ADGRG2: variants seen among roughly 807,000 people sequenced by gnomAD.
ADGRG2 encodes adhesion G protein-coupled receptor G2.
Under a neutral mutation model 74.1 loss-of-function variants are expected in ADGRG2, and 26 were observed. The ratio of observed to expected loss-of-function variants is 0.35; its 90% CI spans 0.26 to 0.49. ADGRG2 has a LOEUF of 0.49. ADGRG2 is among the 20% of genes least tolerant of loss of function. The pLI is 0.99. For synonymous variants in ADGRG2, 296 were observed against 295.2 expected (o/e 1.00, Z -0.03); for missense variants, 619 against 763.1 (o/e 0.81, Z 2.22).
At position 19,096,388 on chromosome X, in the gene ADGRG2, G is replaced by C. The variant is rs1201925428; in HGVS notation, c.-46-13642C>G. Among the ~76,000 whole-genome samples the C allele has an allele frequency of 2.8e-5, 3 of 105,509 alleles. No individual in the cohort carries two copies. In the East Asian group the frequency reaches 8.9e-4, roughly 31 times the overall value. 91.6% of individuals were successfully genotyped at this position (105,509 alleles called of 115,157 possible). A position where few individuals can be genotyped will look rare whatever the true frequency, so the allele number is the denominator to read the frequency against. On this transcript the variant is annotated intron_variant, in intron 1 of 28. Transcript: ENST00000379869. The stretch of plus-strand genomic sequence containing the variant: ...GATTGCGCCACTGTACTCCAGCCTG[G>C]GTGACAGAGCGAGACTCTATCTAAA...
intron 3 of ADGRG2, among the ~76,000 whole-genome samples, chrX:19,066,172 C>T (rs1039747245): frequency 6.2e-5 from 7 of 112,265 alleles, no homozygotes; most frequent in African/African-American, 9.7e-5. Context: ...TAAAGAATGG[C>T]GGCTTTTTGA....
intron 1 of ADGRG2, among the ~76,000 whole-genome samples, chrX:19,106,493 T>TTGTGTGTG (rs199616929): frequency 2.3e-4 from 25 of 106,774 alleles, no homozygotes; most frequent in African/African-American, 5.5e-4. Flanking sequence ...TAGTGTGTGT[T>TTGTGTGTG]TGTGTGTGTG....
At chrX:19,107,948 A>C (rs1215875117) in intron 1 of ADGRG2, among the ~76,000 whole-genome samples, 3 of 106,410 alleles carry the variant, frequency 2.8e-5, no homozygotes, top group Non-Finnish European at 3.9e-5. Flanking sequence ...AAAATACAAA[A>C]AATTAGCCAG....
chrX:19,092,531 C>T (rs1336816868), intron 1 of ADGRG2, among the ~76,000 whole-genome samples: 2 of 111,093 alleles, frequency 1.8e-5, no homozygotes, highest in East Asian at 2.8e-4. Flanking sequence ...CGGGCAGGTG[C>T]GAGGACAGTA....
chrX:19,062,413 C>T (rs1402946807), intron 3 of ADGRG2, among the ~76,000 whole-genome samples: 1 of 112,099 alleles, frequency 8.9e-6, no homozygotes, highest in Non-Finnish European at 1.9e-5. Flanking sequence ...ATCACCACTT[C>T]CACCTGCTAG....
At chrX:19,019,770 A>G (rs2060550204) in intron 14 of ADGRG2, 105 bp from the exon 15 acceptor site, 1 of 485,462 alleles carries the variant, frequency 2.1e-6, no homozygotes, top group East Asian at 3.4e-5. Context: ...ACTGCATTTA[A>G]AAGAGCAATT....
intron 26 of ADGRG2, among the ~76,000 whole-genome samples, chrX:18,996,375 A>G (rs1270736086): frequency 9.0e-6 from 1 of 111,422 alleles, no homozygotes; most frequent in Non-Finnish European, 1.9e-5. Flanking sequence ...TATTTATATG[A>G]TAAAAGGAAT....
At chrX:19,016,667 G>C (rs1425029701) in intron 15 of ADGRG2, among the ~76,000 whole-genome samples, 1 of 104,441 alleles carries the variant, frequency 9.6e-6, no homozygotes, top group East Asian at 3.1e-4. Flanking sequence ...CTAGCATTAG[G>C]TATATCTCCC....
chrX:19,026,130 T>G (rs986411492), intron 11 of ADGRG2, among the ~76,000 whole-genome samples: 1 of 112,169 alleles, frequency 8.9e-6, no homozygotes, highest in Non-Finnish European at 1.9e-5. Flanking sequence ...GTTTGCTATC[T>G]GCCAAATGCT....
chrX:19,009,886 C>T, intron 17 of ADGRG2, 104 bp from the exon 18 acceptor site: 1 of 566,842 alleles, frequency 1.8e-6, no homozygotes, highest in African/African-American at 2.3e-5. Flanking sequence ...TCTCGGCTCA[C>T]TGCAACCTCT....
intron 2 of ADGRG2, among the ~76,000 whole-genome samples, chrX:19,079,308 T>C (rs1252574202): frequency 8.9e-6 from 1 of 112,186 alleles, no homozygotes; most frequent in Non-Finnish European, 1.9e-5. Flanking sequence ...GGAAAGTCCT[T>C]AGATTTTTGC....
chrX:19,015,178 G>A (rs1400167441), intron 15 of ADGRG2, among the ~76,000 whole-genome samples: 1 of 111,897 alleles, frequency 8.9e-6, no homozygotes, highest in African/African-American at 3.2e-5. Context: ...ACTCAAGGAA[G>A]CCTCTGATCG....
chrX:19,044,573 T>C (rs1418687937), intron 3 of ADGRG2, among the ~76,000 whole-genome samples: 1 of 111,815 alleles, frequency 8.9e-6, no homozygotes, highest in Non-Finnish European at 1.9e-5. Flanking sequence ...TTATGGAGAA[T>C]GAGTTGCAAG....
chrX:19,000,006 T>G, intron 24 of ADGRG2, 46 bp from the exon 25 acceptor site: 2 of 755,411 alleles, frequency 2.6e-6, no homozygotes, highest in South Asian at 2.3e-5. Context: ...TTTTTTTTTT[T>G]TTTTTGAGAC....
intron 1 of ADGRG2, among the ~76,000 whole-genome samples, chrX:19,120,641 G>C (rs1453977697): frequency 9.0e-6 from 1 of 111,443 alleles, no homozygotes; most frequent in East Asian, 2.8e-4. Flanking sequence ...TTCCACGTAT[G>C]GTGACTATTA....
intron 26 of ADGRG2, among the ~76,000 whole-genome samples, chrX:18,997,908 ATTATTG>A (rs1214591763): frequency 2.7e-5 from 3 of 112,894 alleles, no homozygotes; most frequent in African/African-American, 6.4e-5. Flanking sequence ...GGGACAGTGA[ATTATTG>A]TTATTGTAAT....
intron 2 of ADGRG2, among the ~76,000 whole-genome samples, chrX:19,082,072 C>CAAAAAAAAAAA (rs57534658): frequency 5.7e-4 from 12 of 21,164 alleles, no homozygotes; most frequent in African/African-American, 1.4e-3. Flanking sequence ...GACCCTGTCT[C>CAAAAAAAAAAA]AAAAAAAAAA....
intron 15 of ADGRG2, among the ~76,000 whole-genome samples, chrX:19,019,003 C>T (rs2060529268): frequency 1.8e-5 from 2 of 111,217 alleles, no homozygotes; most frequent in South Asian, 3.8e-4. Context: ...CCACCATGCC[C>T]GGCTAATTTT....
intron 3 of ADGRG2, among the ~76,000 whole-genome samples, chrX:19,048,514 C>A (rs958092808): frequency 7.1e-5 from 8 of 111,976 alleles, no homozygotes; most frequent in Non-Finnish European, 1.1e-4. Flanking sequence ...TTCACTACAC[C>A]AGGCCGCTTC....
Sources: gnomAD v4.1 joint callset for allele counts (sites outside exome capture counted in the v4.1 genomes callset) on GRCh38, gnomAD v4.1.1 for gene constraint, MANE v1.5 for transcripts, NCBI Gene and HGNC (gene_info 2026-07-23, HGNC 2026-07-21) for gene names.